Variants in ZC3H12B observed in about 807,000 individuals in gnomAD.
ZC3H12B encodes probable ribonuclease ZC3H12B.
In ZC3H12B, 7 loss-of-function variants were observed where a neutral mutation model predicts 43.9. The observed-to-expected ratio is 0.16, with a 90% CI of 0.09 to 0.30. The LOEUF is 0.30. Ranked by LOEUF, ZC3H12B falls within the 10% of genes least tolerant of loss-of-function variation. The pLI, the probability that ZC3H12B is intolerant of heterozygous loss-of-function variation, is 1.00. For missense variants in ZC3H12B, 475 were observed against 670.2 expected (o/e 0.71, Z 3.22); for synonymous variants, 222 against 241.7 (o/e 0.92, Z 0.76).
intron 2 of ZC3H12B, among the ~76,000 whole-genome samples, chrX:65,385,731 A>G (rs926920585): frequency 3.6e-5 from 4 of 111,890 alleles, no homozygotes; most frequent in Non-Finnish European, 5.6e-5. Context: ...CCAGTTTTCA[A>G]AGGGAATGCT....
chrX:65,138,114 GCCA>G, the ZC3H12B span, among the ~76,000 whole-genome samples: 3 of 112,545 alleles, frequency 2.7e-5, no homozygotes, highest in Non-Finnish European at 5.6e-5. Context: ...ACTGGCATGA[GCCA>G]CCATTTTTAA....
chrX:65,152,260 G>C, the ZC3H12B span, among the ~76,000 whole-genome samples: 9 of 111,348 alleles, frequency 8.1e-5, no homozygotes, highest in African/African-American at 2.9e-4. Context: ...GGAAATAAAG[G>C]GTATTCAACT....
the ZC3H12B span, among the ~76,000 whole-genome samples, chrX:65,243,999 A>T: frequency 6.3e-5 from 7 of 111,648 alleles, no homozygotes; most frequent in Admixed American, 6.7e-4. Flanking sequence ...TTATAAAGAA[A>T]AATTTGTTAA....
the ZC3H12B span, among the ~76,000 whole-genome samples, chrX:65,225,505 A>G: frequency 1.8e-5 from 2 of 112,623 alleles, no homozygotes; most frequent in Admixed American, 9.3e-5. Flanking sequence ...CTCACCAGCA[A>G]TGGAGCAAAG....
intron 3 of ZC3H12B, among the ~76,000 whole-genome samples, chrX:65,466,252 GTATA>G (rs2067815977): frequency 9.0e-6 from 1 of 110,651 alleles, no homozygotes. Flanking sequence ...AGATCATGGG[GTATA>G]TATTTTTCTA....
chrX:65,077,254 A>G, the ZC3H12B span, among the ~76,000 whole-genome samples: 1 of 111,774 alleles, frequency 8.9e-6, no homozygotes, highest in Non-Finnish European at 1.9e-5. Flanking sequence ...GAGCCACCTT[A>G]TCCTGCAGGG....
chrX:65,279,949 T>A, the ZC3H12B span, among the ~76,000 whole-genome samples: 3 of 112,142 alleles, frequency 2.7e-5, no homozygotes, highest in Non-Finnish European at 5.6e-5. Flanking sequence ...ATCGTATGGC[T>A]TAACTGCTGA....
intron 3 of ZC3H12B, among the ~76,000 whole-genome samples, chrX:65,432,003 T>G (rs748817197): frequency 8.9e-6 from 1 of 111,747 alleles, no homozygotes; most frequent in African/African-American, 3.2e-5. Flanking sequence ...CATGCCTGAG[T>G]CTTCTCTTCT....
At chrX:65,037,472 T>C in the ZC3H12B span, among the ~76,000 whole-genome samples, 1 of 112,240 alleles carries the variant, frequency 8.9e-6, no homozygotes, top group East Asian at 2.8e-4. Flanking sequence ...GGCATAATTT[T>C]CTATGATAAA....
chrX:65,334,714 G>C, the ZC3H12B span, among the ~76,000 whole-genome samples: 1 of 111,342 alleles, frequency 9.0e-6, no homozygotes, highest in Non-Finnish European at 1.9e-5. Flanking sequence ...GGCTCTTGGA[G>C]GAAAAGTGCC....
chrX:65,467,689 C>A (rs2067844157), intron 3 of ZC3H12B, among the ~76,000 whole-genome samples: 1 of 111,934 alleles, frequency 8.9e-6, no homozygotes, highest in Non-Finnish European at 1.9e-5. Flanking sequence ...ATTTGAATTT[C>A]CTTGACAATT....
the ZC3H12B span, among the ~76,000 whole-genome samples, chrX:65,040,229 GTTGCTCC>G: frequency 1.8e-5 from 2 of 111,334 alleles, no homozygotes; most frequent in African/African-American, 3.3e-5. Flanking sequence ...TTACTTTTAA[GTTGCTCC>G]TTGCCCTTTT....
At chrX:65,080,951 T>G in the ZC3H12B span, among the ~76,000 whole-genome samples, 1 of 109,407 alleles carries the variant, frequency 9.1e-6, no homozygotes, top group Non-Finnish European at 1.9e-5. Context: ...TAATAAGATA[T>G]CAATAAAACA....
At chrX:65,307,961 G>A in the ZC3H12B span, among the ~76,000 whole-genome samples, 27 of 111,336 alleles carry the variant, frequency 2.4e-4, 1 homozygote, top group Admixed American at 2.2e-3. Flanking sequence ...AGCAAAACTG[G>A]CATGTTAAGT....
chrX:65,230,761 C>T, the ZC3H12B span, among the ~76,000 whole-genome samples: 1 of 110,938 alleles, frequency 9.0e-6, no homozygotes, highest in Non-Finnish European at 1.9e-5. Flanking sequence ...AACATCAGAC[C>T]TTTATTATAG....
chrX:65,152,625 G>A, the ZC3H12B span, among the ~76,000 whole-genome samples: 1 of 111,388 alleles, frequency 9.0e-6, no homozygotes, highest in African/African-American at 3.3e-5. Context: ...CTCATGGGTA[G>A]GAAGAATCAA....
the ZC3H12B span, among the ~76,000 whole-genome samples, chrX:65,174,714 C>T: frequency 1.8e-5 from 2 of 111,669 alleles, no homozygotes; most frequent in African/African-American, 6.5e-5. Flanking sequence ...ATGGTGGACA[C>T]TTCTCTTCCC....
the ZC3H12B span, among the ~76,000 whole-genome samples, chrX:65,159,801 G>C: frequency 9.0e-6 from 1 of 111,631 alleles, no homozygotes; most frequent in Non-Finnish European, 1.9e-5. Flanking sequence ...AACACTATGT[G>C]GAAGAGGAGT....
the ZC3H12B span, among the ~76,000 whole-genome samples, chrX:65,194,980 G>C: frequency 9.0e-6 from 1 of 110,760 alleles, no homozygotes; most frequent in African/African-American, 3.3e-5. Flanking sequence ...AATAATTGTA[G>C]CTACTCTTGC....
Sources: allele counts gnomAD v4.1 joint callset (sites outside exome capture counted in the v4.1 genomes callset), GRCh38; gene constraint gnomAD v4.1.1; transcripts MANE v1.5; gene names NCBI Gene and HGNC (gene_info 2026-07-23, HGNC 2026-07-21).